Variants in DCAF1 observed in about 807,000 individuals in gnomAD.
DCAF1 encodes DDB1- and CUL4-associated factor 1.
Under a neutral mutation model 128.0 loss-of-function variants are expected in DCAF1, and 15 were observed. The ratio of observed to expected loss-of-function variants is 0.12; its 90% CI spans 0.08 to 0.18. The LOEUF is 0.18. Ranked by LOEUF, DCAF1 falls within the 10% of genes least tolerant of loss-of-function variation. DCAF1 has a pLI of 1.00. For synonymous variants in DCAF1, 610 were observed against 603.0 expected (o/e 1.01, Z -0.17); for missense variants, 988 against 1,649.5 (o/e 0.60, Z 6.95).
chr3:51,452,976 A>G (rs1702509622), intron 6 of DCAF1, among the ~76,000 whole-genome samples: 1 of 151,132 alleles, frequency 6.6e-6, no homozygotes, highest in African/African-American at 2.4e-5. Flanking sequence ...AGATCACACT[A>G]TTGCACTCCA....
At chr3:51,406,342 C>CAA (rs782324969) in intron 23 of DCAF1, among the ~76,000 whole-genome samples, 579 of 46,236 alleles carry the variant, frequency 0.013, 2 homozygotes, top group East Asian at 0.036. Context: ...GACTCTGTCT[C>CAA]AAAAAAAAAA....
chr3:51,486,089 A>G (rs1209239650), intron 2 of DCAF1, among the ~76,000 whole-genome samples: 3 of 150,946 alleles, frequency 2.0e-5, no homozygotes, highest in Non-Finnish European at 2.9e-5. Context: ...ACGGGCTTTC[A>G]CCGTGTTAGC....
At position 51,466,856 on chromosome 3, in the gene DCAF1, T is replaced by C. The variant is rs1157243340; in HGVS notation, c.208A>G (p.Met70Val). 8.1e-6 allele frequency: 13 copies of C among 1,613,640 alleles called. No homozygotes were observed. Among genetic ancestry groups the C allele is most frequent in the Non-Finnish European group, 1.1e-5 (13 of 1,179,786 alleles). The change falls in exon 5 of 25, where the codon ATG (methionine) becomes GTG (valine). Residue 70 changes from methionine to valine, a missense_variant. By Grantham distance (21) the Met-to-Val change is conservative. Coordinates refer to ENST00000684031, the MANE Select transcript of DCAF1 (RefSeq NM_001387579.1). ...AGTATTCTCAGCAAGTGGCCCAGCATACACTCTGGATCAGCTCGACCTACC... is the reference window on the plus strand; with the variant it reads ...AGTATTCTCAGCAAGTGGCCCAGCACACACTCTGGATCAGCTCGACCTACC... ...RHPGRADPEC[M>V]LGHLLRILFK...
rs782051747 is a variant in DCAF1 at position 51,420,202 on chromosome 3, G to A, written c.2768C>T (p.Ala923Val). Reference protein sequence around the residue: ...LGSHAAVGASAPSAPTAHPQP... With the variant: ...LGSHAAVGASVPSAPTAHPQP... ...AGGATGAGCAGTAGGGGCAGAAGGC[G>A]CAGAGGCACCCACAGCAGCATGGCT... Residue 923 changes from alanine (A) to valine (V), a missense_variant, in exon 15 of 25, where the codon GCG becomes GTG. Coordinates refer to ENST00000684031, the MANE Select transcript of DCAF1 (RefSeq NM_001387579.1). The surrounding 1 kb of genome is among the most constrained non-coding windows in gnomAD (Gnocchi z 6.5). The A allele has an allele frequency of 9.3e-6, 15 of 1,613,894 alleles. No homozygotes were observed. The highest frequency in any genetic ancestry group is 3.3e-5 in the Admixed American group (2 of 60,008).
chr3:51,458,191 T>C (rs1346368265), intron 6 of DCAF1, among the ~76,000 whole-genome samples: 15 of 151,996 alleles, frequency 9.9e-5, no homozygotes, highest in Non-Finnish European at 1.3e-4. Flanking sequence ...GACACACACA[T>C]AGGCTCAAAA....
intron 12 of DCAF1, among the ~76,000 whole-genome samples, chr3:51,428,387 T>G (rs1700090044): frequency 6.9e-6 from 1 of 144,734 alleles, no homozygotes; most frequent in Non-Finnish European, 1.5e-5. Context: ...TGCAGTGATA[T>G]GATCGTAGCT....
chr3:51,438,401 T>C (rs1701053476), intron 9 of DCAF1, among the ~76,000 whole-genome samples: 1 of 152,190 alleles, frequency 6.6e-6, no homozygotes, highest in African/African-American at 2.4e-5. Flanking sequence ...CATAGGTATC[T>C]CACAAAACTA....
chr3:51,456,799 A>C (rs1702969457), intron 6 of DCAF1, among the ~76,000 whole-genome samples: 1 of 152,212 alleles, frequency 6.6e-6, no homozygotes, highest in South Asian at 2.1e-4. Context: ...ACCCAGGCAA[A>C]CAGGGTCTGA....
rs1553629521 is a variant in DCAF1 at position 51,414,047 on chromosome 3, G to T, written c.3838-4C>A. The T allele has an allele frequency of 7.5e-6, 12 of 1,595,504 alleles. No homozygotes were observed. The highest frequency in any genetic ancestry group is 1.0e-5 in the Non-Finnish European group (12 of 1,171,812). ...GATGAAAAGTTCGAAGGTCCCACTA[G>T]GAGGGGAATGGTCAAGGAAAACTAT... On this transcript the variant is annotated splice_polypyrimidine_tract_variant and splice_region_variant and intron_variant, in intron 19 of 24. Transcript: ENST00000684031.
chr3:51,415,601 T>G (rs879976520), intron 18 of DCAF1, among the ~76,000 whole-genome samples: 1 of 152,186 alleles, frequency 6.6e-6, no homozygotes, highest in Admixed American at 6.5e-5. Flanking sequence ...TTGTTTTTAT[T>G]TTCAGAGACA....
chr3:51,456,023 C>T (rs782644040), intron 6 of DCAF1, among the ~76,000 whole-genome samples: 13 of 152,182 alleles, frequency 8.5e-5, no homozygotes, highest in South Asian at 2.1e-4. Flanking sequence ...ACTGAGCTAC[C>T]GGGTTCATCT....
chr3:51,499,944 A>C lies in DCAF1; in HGVS notation c.-127T>G, dbSNP rs1291859290. Reference sequence around the variant, plus strand: ...CCACAGTTCACACACACACAGCCTCAGGTCCCGCACTCACTCTCCACTCAC... The same window carrying C: ...CCACAGTTCACACACACACAGCCTCCGGTCCCGCACTCACTCTCCACTCAC... On this transcript the variant is annotated 5_prime_UTR_variant, in exon 1 of 25. Transcript: ENST00000684031. 1.7e-5 allele frequency: 2 copies of C among 121,116 alleles called. No homozygotes were observed. Among genetic ancestry groups the C allele is most frequent in the African/African-American group, 3.3e-5 (1 of 30,380 alleles). 7.5% of individuals were successfully genotyped at this position (121,116 alleles called of 1,614,324 possible).
rs1323211116 is a variant in DCAF1, at chr3:51,441,455, T to C, written c.956A>G (p.Tyr319Cys). ...PWVIGTNYTLYPMTPAIEQRL... is the reference protein window; with the variant it reads ...PWVIGTNYTLCPMTPAIEQRL... ...CTGCTCGATAGCAGGAGTCATAGGA[T>C]AAAGGGTATAATTGGTGCCAATCAC... Residue 319 changes from tyrosine (Y) to cysteine (C), a missense_variant, in exon 8 of 25, where the codon TAT becomes TGT. Physicochemically the swap from Tyr to Cys is radical, Grantham distance 194. Around this residue, in one of 11 missense-constraint regions of DCAF1, gnomAD observed 19 missense variants for 61.4 expected, o/e 0.31. Coordinates refer to ENST00000684031, the MANE Select transcript of DCAF1 (RefSeq NM_001387579.1). The C allele has an allele frequency of 1.9e-6, 3 of 1,613,844 alleles. No individual in the cohort carries two copies. The highest frequency in any genetic ancestry group is 4.5e-5 in the East Asian group (2 of 44,890).
intron 2 of DCAF1, among the ~76,000 whole-genome samples, chr3:51,492,855 G>A (rs1479272839): frequency 5.3e-5 from 8 of 151,566 alleles, no homozygotes; most frequent in African/African-American, 7.3e-5. Flanking sequence ...TTAGCTGGGC[G>A]TGGTGGCAGG....
chr3:51,457,747 G>A (rs928559257), intron 6 of DCAF1, among the ~76,000 whole-genome samples: 7 of 152,118 alleles, frequency 4.6e-5, no homozygotes, highest in African/African-American at 1.7e-4. Context: ...GAAGAGAGTG[G>A]GAACCAATAT....
At chr3:51,503,121 C>T (rs1481583102), upstream of DCAF1, among the ~76,000 whole-genome samples, 6 of 152,158 alleles carry the variant, frequency 3.9e-5, no homozygotes, top group Admixed American at 1.3e-4. Context: ...CTCTGGACTC[C>T]GTCTCACCTT....
At chr3:51,487,003 C>CT (rs1187003295) in intron 2 of DCAF1, among the ~76,000 whole-genome samples, 1 of 143,008 alleles carries the variant, frequency 7.0e-6, no homozygotes, top group Non-Finnish European at 1.5e-5. Context: ...GAGTCACACT[C>CT]TGTCGCCAGG....
intron 9 of DCAF1, among the ~76,000 whole-genome samples, chr3:51,439,186 C>T (rs1701129316): frequency 1.3e-5 from 2 of 151,756 alleles, no homozygotes; most frequent in Admixed American, 6.6e-5. Flanking sequence ...TCAGGCTCAC[C>T]CTAGTGATCT....
In DCAF1 at chr3:51,466,830, G is replaced by T; in HGVS notation, c.234C>A (p.Leu78=). ...ECMLGHLLRI[L]FKNDDFMNAL... is the part of the protein sequence containing the mutation. ...CATTCATGAAATCATCATTCTTGAA[G>T]AGTATTCTCAGCAAGTGGCCCAGCA... The change falls in exon 5 of 25, where the codon CTC becomes CTA. Residue 78 remains leucine, a synonymous_variant. Coordinates refer to ENST00000684031, the MANE Select transcript of DCAF1 (RefSeq NM_001387579.1). 6.2e-7 allele frequency: 1 copy of T among 1,613,732 alleles called. No homozygotes were observed. The highest frequency in any genetic ancestry group is 1.1e-5 in the South Asian group (1 of 91,068).
Sources: allele counts gnomAD v4.1 joint callset (sites outside exome capture counted in the v4.1 genomes callset), GRCh38; gene constraint gnomAD v4.1.1; regional missense constraint gnomAD v4.1.1; non-coding constraint Gnocchi (gnomAD v3.1); transcripts MANE v1.5; gene names NCBI Gene and HGNC (gene_info 2026-07-23, HGNC 2026-07-21).